Variants in RBFOX1 observed in about 807,000 individuals in gnomAD.
RBFOX1 encodes RNA binding protein fox-1 homolog 1.
A neutral mutation model predicts 57.7 loss-of-function variants in RBFOX1; 8 were observed. That is an observed-to-expected ratio of 0.14 (90% CI 0.08 to 0.25). The LOEUF (loss-of-function observed/expected upper bound fraction) is 0.25, where lower values mean the gene tolerates loss of function less well. Among genes scored for constraint, RBFOX1 ranks in the 10% least tolerant of loss-of-function variants. The probability of loss-of-function intolerance (pLI) is 1.00; values close to 1 mark genes in which losing one functional copy is unlikely to be tolerated. For synonymous variants in RBFOX1, 326 were observed against 222.4 expected, an observed-to-expected ratio of 1.47 and a Z score of -4.15; for missense variants, 611 against 548.5, an observed-to-expected ratio of 1.11 and a Z score of -1.14.
chr16:6,780,446 A>G (rs1274401600), intron 3 of RBFOX1, among the ~76,000 whole-genome samples: 2 of 113,476 alleles, frequency 1.8e-5, no homozygotes, highest in South Asian at 5.4e-4. Flanking sequence ...ATATATTTAT[A>G]TATACATTTT....
chr16:5,510,579 G>A (rs1485341680), intron 2 of RBFOX1, among the ~76,000 whole-genome samples: 1 of 152,178 alleles, frequency 6.6e-6, no homozygotes, highest in African/African-American at 2.4e-5. Context: ...ATGATGCCAG[G>A]GTGAAGTTTA....
intron 1 of RBFOX1, among the ~76,000 whole-genome samples, chr16:6,207,000 C>T (rs181070656): frequency 0.065 from 5,355 of 82,162 alleles, 125 homozygotes; most frequent in Middle Eastern, 0.24. Context: ...TTTTTTTTTT[C>T]AGGTGCACTT....
intron 2 of RBFOX1, among the ~76,000 whole-genome samples, chr16:6,593,967 G>C (rs2097751821): frequency 6.6e-6 from 1 of 152,198 alleles, no homozygotes; most frequent in Admixed American, 6.5e-5. Context: ...TTTAGGATTA[G>C]TCATGCACGT....
chr16:6,471,731 G>T (rs573545021), intron 2 of RBFOX1, among the ~76,000 whole-genome samples: 41 of 152,222 alleles, frequency 2.7e-4, no homozygotes, highest in African/African-American at 9.6e-4. Context: ...CAGCATTGGG[G>T]TATTTTGCTT....
intron 2 of RBFOX1, among the ~76,000 whole-genome samples, chr16:6,603,328 G>C (rs775542535): frequency 6.6e-6 from 1 of 152,192 alleles, no homozygotes; most frequent in Non-Finnish European, 1.5e-5. Context: ...GGCAGTTGGA[G>C]TCTTGTATGA....
rs1202009228 is a variant in RBFOX1 at position 5,930,613 on chromosome 16, G to C, written c.351+63278G>C. 3.9e-4 allele frequency among the ~76,000 whole-genome samples: 50 copies of C among 129,444 alleles called. 1 individual carries two copies. Among genetic ancestry groups the C allele is most frequent in the Non-Finnish European group, 1.1e-4 (7 of 61,360 alleles). 84.9% of individuals were successfully genotyped at this position (129,444 alleles called of 152,430 possible). A position where few individuals can be genotyped will look rare whatever the true frequency, so the allele number is the denominator to read the frequency against. ...GGGTGGGTAGGTGGACGGGTGGCAGGGTGGATGGATGCATGGCTGGATGCA... is the reference window on the plus strand; with the variant it reads ...GGGTGGGTAGGTGGACGGGTGGCAGCGTGGATGGATGCATGGCTGGATGCA... On this transcript the variant is annotated intron_variant, in intron 4 of 19. Transcript: ENST00000641259.
At chr16:5,859,629 G>T (rs1197392999) in intron 3 of RBFOX1, among the ~76,000 whole-genome samples, 1 of 152,186 alleles carries the variant, frequency 6.6e-6, no homozygotes, top group Non-Finnish European at 1.5e-5. Context: ...CCAGGGTTTT[G>T]TGACAGGGAG....
chr16:6,354,939 C>T (rs1263998011), intron 2 of RBFOX1, among the ~76,000 whole-genome samples: 1 of 152,120 alleles, frequency 6.6e-6, no homozygotes, highest in Non-Finnish European at 1.5e-5. Flanking sequence ...CCCAAGTGCT[C>T]TGCAGATATT....
At chr16:6,791,788 C>A (rs940427514) in intron 3 of RBFOX1, among the ~76,000 whole-genome samples, 2 of 151,926 alleles carry the variant, frequency 1.3e-5, no homozygotes, top group Admixed American at 1.3e-4. Context: ...AGGTGCAGGA[C>A]CCTTTGAGTG....
chr16:5,458,671 C>A (rs1351350604), intron 1 of RBFOX1, among the ~76,000 whole-genome samples: 1 of 152,174 alleles, frequency 6.6e-6, no homozygotes, highest in Non-Finnish European at 1.5e-5. Flanking sequence ...GCCATGAATC[C>A]AAATAGGCAA....
chr16:7,668,765 T>C (rs2070344552), intron 13 of RBFOX1, among the ~76,000 whole-genome samples: 1 of 152,186 alleles, frequency 6.6e-6, no homozygotes, highest in Admixed American at 6.5e-5. Context: ...TATTGCTTAG[T>C]GGTGCACCTT....
intron 3 of RBFOX1, among the ~76,000 whole-genome samples, chr16:6,874,621 A>G (rs923568938): frequency 2.6e-5 from 4 of 151,978 alleles, no homozygotes; most frequent in Non-Finnish European, 4.4e-5. Flanking sequence ...GAAACCAAAC[A>G]TCTCATGGCT....
intron 3 of RBFOX1, among the ~76,000 whole-genome samples, chr16:5,642,724 G>C (rs2048921869): frequency 6.6e-6 from 1 of 152,088 alleles, no homozygotes; most frequent in South Asian, 2.1e-4. Context: ...GAGGACTCAT[G>C]TGCTCCCGGG....
intron 4 of RBFOX1, among the ~76,000 whole-genome samples, chr16:7,182,959 C>T (rs963760925): frequency 3.3e-5 from 5 of 152,196 alleles, no homozygotes; most frequent in Middle Eastern, 3.2e-3. Flanking sequence ...ATCATATGCA[C>T]CTTCCCACAC....
chr16:7,641,223 G>GCTT (rs1272175973), intron 11 of RBFOX1, among the ~76,000 whole-genome samples: 4 of 152,184 alleles, frequency 2.6e-5, no homozygotes, highest in Non-Finnish European at 5.9e-5. Flanking sequence ...GGTGGCTGCT[G>GCTT]CTTCTTCCCT....
At chr16:6,574,945 G>A (rs2097405993) in intron 2 of RBFOX1, among the ~76,000 whole-genome samples, 1 of 151,582 alleles carries the variant, frequency 6.6e-6, no homozygotes, top group African/African-American at 2.4e-5. Flanking sequence ...GGCTGAGGGA[G>A]GAGAATGGCG....
chr16:7,704,730 G>A (rs1449880867), intron 14 of RBFOX1, among the ~76,000 whole-genome samples: 1 of 152,164 alleles, frequency 6.6e-6, no homozygotes, highest in African/African-American at 2.4e-5. Flanking sequence ...AAGGGGTAGG[G>A]ATGAAGTTGG....
At chr16:6,076,694 T>C (rs2152497300) in intron 1 of RBFOX1, among the ~76,000 whole-genome samples, 1 of 152,322 alleles carries the variant, frequency 6.6e-6, no homozygotes, top group Admixed American at 6.5e-5. Flanking sequence ...TGAGTACTGC[T>C]TCAAAGACAC....
chr16:6,890,905 G>A (rs1211800581), intron 3 of RBFOX1, among the ~76,000 whole-genome samples: 1 of 152,212 alleles, frequency 6.6e-6, no homozygotes, highest in East Asian at 1.9e-4. Context: ...AAGTGAGCAT[G>A]AAGTGAGAAA....
Sources: gnomAD v4.1 joint callset for allele counts (sites outside exome capture counted in the v4.1 genomes callset) on GRCh38, gnomAD v4.1.1 for gene constraint, MANE v1.5 for transcripts, NCBI Gene and HGNC (gene_info 2026-07-23, HGNC 2026-07-21) for gene names.